AWAT2: variants seen among roughly 807,000 people sequenced by gnomAD.
AWAT2 encodes the protein acyl-CoA wax alcohol acyltransferase 2, also known as 11-cis-RE-synthase.
A neutral mutation model predicts 22.3 loss-of-function variants in AWAT2; 9 were observed. The observed-to-expected ratio is 0.40, with a 90% CI of 0.24 to 0.70. The LOEUF (loss-of-function observed/expected upper bound fraction) is 0.70, where lower values mean the gene tolerates loss of function less well. Among genes scored for constraint, AWAT2 ranks in the 30% least tolerant of loss-of-function variants. The pLI, the probability that AWAT2 is intolerant of heterozygous loss-of-function variation, is 0.36. For missense variants in AWAT2, 217 were observed against 265.9 expected, an observed-to-expected ratio of 0.82 and a Z score of 1.28; for synonymous variants, 100 against 93.4, an observed-to-expected ratio of 1.07 and a Z score of -0.40.
intron 1 of AWAT2, among the ~76,000 whole-genome samples, chrX:70,046,797 C>A (rs758073097): frequency 8.9e-6 from 1 of 112,132 alleles, no homozygotes; most frequent in South Asian, 3.7e-4. Flanking sequence ...GCATTCACAA[C>A]TGTGCTTCCT....
chrX:70,042,190 T>C lies in AWAT2; in HGVS notation c.844A>G (p.Ile282Val). The C allele has an allele frequency of 8.3e-7, 1 of 1,205,234 alleles. No homozygotes were observed. Among genetic ancestry groups the C allele is most frequent in the Non-Finnish European group, 1.1e-6 (1 of 892,168 alleles). ...LLPYSRPVTT[I>V]VGEPLPMPKI... ...GCCAGCAGAAACGCCCACTCACCGA[T>C]GGTGGTTACAGGCCGACTATAGGGC... The change falls in exon 6 of 8, where the codon ATC (isoleucine) becomes GTC (valine). Residue 282 changes from isoleucine (I) to valine (V), a missense_variant. Ile to Val is a conservative substitution (Grantham distance 29). Transcript: ENST00000276101.
chrX:70,047,355 G>A (rs1247044341), intron 1 of AWAT2, among the ~76,000 whole-genome samples: 1 of 112,538 alleles, frequency 8.9e-6, no homozygotes, highest in Non-Finnish European at 1.9e-5. Flanking sequence ...GTAGAGCAAA[G>A]GCCAGCAGTT....
At chrX:70,046,386 G>A (rs2020361870) in intron 1 of AWAT2, among the ~76,000 whole-genome samples, 1 of 98,087 alleles carries the variant, frequency 1.0e-5, no homozygotes, top group African/African-American at 3.7e-5. Context: ...TTGTGTGTCT[G>A]TTTCAAGACC....
At chrX:70,041,725 C>G (rs902301847) in intron 7 of AWAT2, 48 bp downstream of exon 7, 1 of 1,031,565 alleles carries the variant, frequency 9.7e-7, no homozygotes, top group Non-Finnish European at 1.3e-6. Context: ...GGAGCGGGAG[C>G]CTGATAGGTG....
intron 5 of AWAT2, among the ~76,000 whole-genome samples, chrX:70,042,736 A>G (rs1478256068): frequency 8.9e-6 from 1 of 112,043 alleles, no homozygotes; most frequent in East Asian, 2.8e-4. Flanking sequence ...GTCCCCTTGT[A>G]TAGAGGGGCC....
intron 1 of AWAT2, among the ~76,000 whole-genome samples, chrX:70,046,700 C>T (rs182497302): frequency 2.7e-5 from 3 of 111,620 alleles, no homozygotes; most frequent in Admixed American, 1.9e-4. Context: ...CCGCCGCCAC[C>T]GACCTGTACT....
At chrX:70,045,616 C>T (rs1366061470) in intron 1 of AWAT2, among the ~76,000 whole-genome samples, 2 of 111,746 alleles carry the variant, frequency 1.8e-5, no homozygotes, top group East Asian at 5.6e-4. Context: ...TTGAACCAAA[C>T]AGACTCTAGA....
Position 70,041,894 on chromosome X carries a change from G to C in AWAT2, c.916C>G (p.Leu306Val), listed in dbSNP as rs2020330777. The C allele has an allele frequency of 1.7e-6, 2 of 1,210,442 alleles. No homozygotes were observed. The highest frequency in any genetic ancestry group is 2.2e-6 in the Non-Finnish European group (2 of 894,214). Residue 306 changes from leucine to valine, a missense_variant, in exon 7 of 8, where the codon CTC becomes GTC. By Grantham distance (32) the Leu-to-Val change is conservative. Transcript: ENST00000276101. ...SQEIVAKYHT[L>V]YIDALRKLFD... is the part of the protein sequence containing the mutation. ...AGTTTACGTAGGGCATCAATATAGAGTGTGTGATATTTAGCCACGATCTCC... is the reference window on the plus strand; with the variant it reads ...AGTTTACGTAGGGCATCAATATAGACTGTGTGATATTTAGCCACGATCTCC...
intron 1 of AWAT2, 29 bp from the exon 2 acceptor site, chrX:70,044,491 A>T (rs942373560): frequency 5.8e-6 from 7 of 1,200,255 alleles, no homozygotes; most frequent in Admixed American, 2.2e-5. Context: ...AGAGTTAATG[A>T]ATTTCAAGCA....
chrX:70,042,438 G>T, intron 5 of AWAT2, 52 bp from the exon 6 acceptor site: 1 of 1,117,813 alleles, frequency 8.9e-7, no homozygotes, highest in Non-Finnish European at 1.2e-6. Flanking sequence ...GGACCTTGTC[G>T]AATGCCAGAC....
Position 70,041,873 on chromosome X carries a change from T to G in AWAT2, c.937A>C (p.Lys313Gln). ...TTGGTCTTATGCTGGTCAAACAGTT[T>G]ACGTAGGGCATCAATATAGAGTGTG... ...YHTLYIDALRKLFDQHKTKFG... is the reference protein window; with the variant it reads ...YHTLYIDALRQLFDQHKTKFG... The change falls in exon 7 of 8, where the codon AAA (lysine) becomes CAA (glutamine). Residue 313 changes from lysine (K) to glutamine (Q), a missense_variant. Physicochemically the swap from Lys to Gln is moderately conservative, Grantham distance 53. Coordinates refer to ENST00000276101, the MANE Select transcript of AWAT2 (RefSeq NM_001002254.1). 8.3e-7 allele frequency: 1 copy of G among 1,210,287 alleles called. No individual in the cohort carries two copies. Among genetic ancestry groups the G allele is most frequent in the Non-Finnish European group, 1.1e-6 (1 of 894,233 alleles).
intron 2 of AWAT2, 103 bp downstream of exon 2, chrX:70,044,249 C>A (rs1003213524): frequency 1.3e-4 from 143 of 1,141,946 alleles, no homozygotes; most frequent in Non-Finnish European, 1.6e-4. Context: ...GAGGGACAGG[C>A]TAAAGGGCTG....
Position 70,043,098 on chromosome X carries a change from A to C in AWAT2, c.618T>G (p.Ser206=), listed in dbSNP as rs2020340351. The C allele has an allele frequency of 6.7e-6, 8 of 1,196,308 alleles. No homozygotes were observed. The South Asian group carries it at 1.3e-4, about 19-fold the overall frequency. The part of the protein sequence containing the change: ...GSSTLVLKNR[S]GFVRMALQHG... ...GCTGAAGGGCCATGCGCACAAAGCC[A>C]GACCGGTTCTTCAACACCAGGGTAG... The change falls in exon 5 of 8, where the codon TCT becomes TCG. Residue 206 remains serine (S), a synonymous_variant. Transcript: ENST00000276101.
chrX:70,041,960 C>T lies in AWAT2; in HGVS notation c.850G>A (p.Gly284Arg), dbSNP rs780915226. 4.1e-6 allele frequency: 5 copies of T among 1,210,052 alleles called. No individual in the cohort carries two copies. Among genetic ancestry groups the T allele is most frequent in the Admixed American group, 2.2e-5 (1 of 45,990 alleles). Residue 284 changes from glycine (G) to arginine (R), a missense_variant and splice_region_variant, in exon 7 of 8, where the codon GGG (glycine) becomes AGG (arginine). Physicochemically the swap from Gly to Arg is moderately radical, Grantham distance 125 (BLOSUM62 -2). Transcript: ENST00000276101. ...PYSRPVTTIV[G>R]EPLPMPKIEN... The stretch of plus-strand genomic sequence containing the variant: ...ATCTTGGGCATTGGTAGAGGCTCCC[C>T]GACTGCCAGGGGAGACAGTGAAGGA...
At position 70,043,515 on chromosome X, in the gene AWAT2, G is replaced by A; in HGVS notation, c.435C>T (p.Phe145=). Residue 145 remains phenylalanine, a synonymous_variant, in exon 4 of 8, where the codon TTC becomes TTT. Coordinates refer to ENST00000276101, the MANE Select transcript of AWAT2 (RefSeq NM_001002254.1). ...TPYILTLGAF[F]WMPFLREYVM... ...CATATTCTCTGAGGAAAGGCATCCAGAAAAAGGCTCCCAGTGTGAGTATGT... is the reference window on the plus strand; with the variant it reads ...CATATTCTCTGAGGAAAGGCATCCAAAAAAAGGCTCCCAGTGTGAGTATGT... 1 of 1,211,251 alleles carries A rather than the reference G, an allele frequency of 8.3e-7. No individual in the cohort carries two copies. The highest frequency in any genetic ancestry group is 1.1e-6 in the Non-Finnish European group (1 of 894,979).
chrX:70,045,176 T>A (rs113670041), intron 1 of AWAT2, among the ~76,000 whole-genome samples: 1 of 112,328 alleles, frequency 8.9e-6, no homozygotes, highest in Admixed American at 9.4e-5. Context: ...TAATTGAACA[T>A]TGCAGATTGA....
At position 70,043,943 on chromosome X, in the gene AWAT2, C is replaced by A; in HGVS notation, c.250G>T (p.Asp84Tyr). ...RHWRLWKHYS[D>Y]YFPLKLLKTH... ...CTACTGACCTTGAGAGGGAAATAAT[C>A]GCTGTAGTGTTTCCACAGGCGCCAG... Residue 84 changes from aspartate (D) to tyrosine (Y), a missense_variant, in exon 3 of 8, where the codon GAT becomes TAT. Coordinates refer to ENST00000276101, the MANE Select transcript of AWAT2 (RefSeq NM_001002254.1). The A allele has an allele frequency of 2.5e-6, 3 of 1,203,014 alleles. No homozygotes were observed. The highest frequency in any genetic ancestry group is 3.4e-6 in the Non-Finnish European group (3 of 891,136).
At position 70,041,308 on chromosome X, in the gene AWAT2, G is replaced by A. The variant is rs760205993; in HGVS notation, c.*350C>T. On this transcript the variant is annotated 3_prime_UTR_variant, in exon 8 of 8. Transcript: ENST00000276101. Reference sequence around the variant, plus strand: ...AGTCACATGGCTTGAAGTTGGTGGAGCTTAAACTCAAAGCCCACTGGCTCT... The same window carrying A: ...AGTCACATGGCTTGAAGTTGGTGGAACTTAAACTCAAAGCCCACTGGCTCT... The A allele has an allele frequency of 8.9e-6, 1 of 112,836 alleles. No homozygotes were observed. Among genetic ancestry groups the A allele is most frequent in the African/African-American group, 3.2e-5 (1 of 30,839 alleles). The allele number at this position is 112,836 out of a possible 1,213,427, so 9.3% of individuals were successfully genotyped here.
chrX:70,044,083 C>T, intron 2 of AWAT2, 87 bp from the exon 3 acceptor site: 1 of 1,029,070 alleles, frequency 9.7e-7, no homozygotes, highest in South Asian at 2.2e-5. Context: ...TGTTTCCTGG[C>T]CTCTTAAGTG....
Sources: gnomAD v4.1 joint callset for allele counts (sites outside exome capture counted in the v4.1 genomes callset) on GRCh38, gnomAD v4.1.1 for gene constraint, MANE v1.5 for transcripts, NCBI Gene and HGNC (gene_info 2026-07-23, HGNC 2026-07-21) for gene names.